The following FBXL19 variants were observed in gnomAD, a reference collection of about 807,000 sequenced individuals.
FBXL19 encodes the protein F-box/LRR-repeat protein 19.
A neutral mutation model predicts 71.2 loss-of-function variants in FBXL19; 16 were observed. That is an observed-to-expected ratio of 0.22 (90% confidence interval 0.15 to 0.34). FBXL19 has a LOEUF of 0.34. FBXL19 is among the 10% of genes least tolerant of loss of function. The pLI, the probability that FBXL19 is intolerant of heterozygous loss-of-function variation, is 1.00. For synonymous variants in FBXL19, 447 were observed against 409.4 expected (o/e 1.09, Z -1.11); for missense variants, 658 against 968.2 (o/e 0.68, Z 4.25).
In FBXL19 at chr16:30,946,993, C is replaced by T. The variant is rs771421295; in HGVS notation, c.1846+45C>T. 9 of 1,578,566 alleles carry T rather than the reference C, an allele frequency of 5.7e-6. No individual in the cohort carries two copies. Among genetic ancestry groups the T allele is most frequent in the African/African-American group, 2.7e-5 (2 of 74,174 alleles). The stretch of plus-strand genomic sequence containing the variant: ...CGTCCTGCCAGCCTGTGGATCCCCA[C>T]GGCCAGTGCCAACCCCTTGCTCACC... On this transcript the variant is annotated intron_variant, in intron 10 of 10. Transcript: ENST00000338343. This position sits in a 1 kb window ranked among gnomAD's most constrained non-coding sequence, Gnocchi z 6.7.
At position 30,948,146 on chromosome 16, in the gene FBXL19, C is replaced by CA. The variant is rs1455130030; in HGVS notation, c.*917dup. ...CGCCCATTTGGGACTGCGCCACCCCCAGGCTTGTTCTTGTTTTACTGTATT... is the reference window on the plus strand; with the variant it reads ...CGCCCATTTGGGACTGCGCCACCCCCAAGGCTTGTTCTTGTTTTACTGTATT... On this transcript the variant is annotated 3_prime_UTR_variant, in exon 11 of 11. Transcript: ENST00000338343. The CA allele has an allele frequency of 4.9e-6, 1 of 203,866 alleles. No individual in the cohort carries two copies. The highest frequency in any genetic ancestry group is 1.0e-5 in the Non-Finnish European group (1 of 97,918). The allele number at this position is 203,866 out of a possible 1,614,324, so 12.6% of individuals were successfully genotyped here. A position where few individuals can be genotyped will look rare whatever the true frequency, so the allele number is the denominator to read the frequency against.
Position 30,939,320 on chromosome 16 carries a change from C to T in FBXL19, c.1302-2796C>T, listed in dbSNP as rs1246137788. Among the ~76,000 whole-genome samples, 3 of 151,836 alleles carry T rather than the reference C, an allele frequency of 2.0e-5. No individual in the cohort carries two copies. In the East Asian group the frequency reaches 5.8e-4, roughly 29 times the overall value. ...TCTCCTGACCTCGTGATCTGTCCAC[C>T]TTGGCCTCCCAAAGTGCTGGGATTA... is the stretch of plus-strand genomic sequence containing the variant. On this transcript the variant is annotated intron_variant, in intron 7 of 10. Transcript: ENST00000338343.
intron 2 of FBXL19, among the ~76,000 whole-genome samples, chr16:30,926,978 T>G (rs1252733278): frequency 2.6e-5 from 4 of 152,212 alleles, no homozygotes; most frequent in Non-Finnish European, 4.4e-5. Flanking sequence ...CCAGCTGTAA[T>G]TTCAGGGTCC....
intron 2 of FBXL19, among the ~76,000 whole-genome samples, chr16:30,926,621 G>T (rs2055595057): frequency 1.3e-5 from 2 of 151,526 alleles, no homozygotes; most frequent in African/African-American, 2.4e-5. Flanking sequence ...TCTTCCTCCT[G>T]CCACTCTTTC....
At position 30,930,254 on chromosome 16, in the gene FBXL19, A is replaced by G. The variant is rs1439360670; in HGVS notation, c.971A>G (p.Asp324Gly). 1 of 1,612,858 alleles carries G rather than the reference A, an allele frequency of 6.2e-7. No homozygotes were observed. Among genetic ancestry groups the G allele is most frequent in the Admixed American group, 1.7e-5 (1 of 60,030 alleles). The change falls in exon 7 of 11, where the codon GAC becomes GGC. Residue 324 changes from aspartate (D) to glycine (G), a missense_variant. This residue lies in a region of FBXL19 where 447 missense variants were observed against 515.4 expected (regional missense o/e 0.87). Transcript: ENST00000338343. The surrounding 1 kb of genome is among the most constrained non-coding windows in gnomAD (Gnocchi z 8.5). ...SDSSGTSLSE[D>G]EAPGEARNGR... is the part of the protein sequence containing the mutation. ...TCTTCGGGCACATCGCTGAGTGAGG[A>G]CGAAGCCCCCGGCGAGGCCCGGAAT...
chr16:30,927,804 G>A lies in FBXL19; in HGVS notation c.468G>A (p.Leu156=). 1.3e-6 allele frequency: 2 copies of A among 1,552,026 alleles called. No homozygotes were observed. The highest frequency in any genetic ancestry group is 2.4e-5 in the South Asian group (2 of 84,152). Residue 156 remains leucine, a synonymous_variant, in exon 5 of 11, where the codon TTG becomes TTA. Transcript: ENST00000338343. ...RADNGEEGAS[L]GSGWKLTEEP... is the part of the protein sequence containing the mutation. ...ACAACGGCGAGGAGGGCGCCAGCTT[G>A]GGGAGCGGATGGAAGCTGACAGAGG...
chr16:30,925,947 A>G lies in FBXL19; in HGVS notation c.177+16A>G. 6.8e-7 allele frequency: 1 copy of G among 1,469,128 alleles called. No homozygotes were observed. Among genetic ancestry groups the G allele is most frequent in the Non-Finnish European group, 9.0e-7 (1 of 1,114,102 alleles). The allele number at this position is 1,469,128 out of a possible 1,614,324, so 91.0% of individuals were successfully genotyped here. A position where few individuals can be genotyped will look rare whatever the true frequency, so the allele number is the denominator to read the frequency against. The stretch of plus-strand genomic sequence containing the variant: ...GTGCACTGCCGTGAGTTCTGCCCCC[A>G]CCTTTGGGCTCTGCCCACCCTTCCC... On this transcript the variant is annotated intron_variant, in intron 2 of 10. Coordinates refer to ENST00000338343, the MANE Select transcript of FBXL19 (RefSeq NM_001382779.1). This position sits in a 1 kb window ranked among gnomAD's most constrained non-coding sequence, Gnocchi z 5.0.
intron 7 of FBXL19, among the ~76,000 whole-genome samples, chr16:30,935,983 C>T (rs756747732): frequency 3.9e-5 from 6 of 152,332 alleles, no homozygotes; most frequent in South Asian, 2.1e-4. Context: ...TCACAACAGA[C>T]GCCCACCATC....
intron 1 of FBXL19, chr16:30,924,788 G>A: frequency 2.7e-6 from 4 of 1,461,128 alleles, no homozygotes; most frequent in Non-Finnish European, 2.7e-6. Context: ...ACTGGGAAGA[G>A]ACCCTCCAGG....
chr16:30,941,643 G>A (rs536135445), intron 7 of FBXL19, among the ~76,000 whole-genome samples: 1 of 152,170 alleles, frequency 6.6e-6, no homozygotes, highest in South Asian at 2.1e-4. Flanking sequence ...AGTAAAGGAG[G>A]CAAGGACCCA....
At position 30,948,159 on chromosome 16, in the gene FBXL19, G is replaced by C. The variant is rs2055884609; in HGVS notation, c.*929G>C. On this transcript the variant is annotated 3_prime_UTR_variant, in exon 11 of 11. Coordinates refer to ENST00000338343, the MANE Select transcript of FBXL19 (RefSeq NM_001382779.1). Reference sequence around the variant, plus strand: ...CTGCGCCACCCCCAGGCTTGTTCTTGTTTTACTGTATTGAGCGGCGGCACC... The same window carrying C: ...CTGCGCCACCCCCAGGCTTGTTCTTCTTTTACTGTATTGAGCGGCGGCACC... The C allele has an allele frequency of 1.0e-5, 2 of 199,480 alleles. No individual in the cohort carries two copies. Among genetic ancestry groups the C allele is most frequent in the Admixed American group, 1.2e-4 (2 of 17,154 alleles). 12.4% of individuals were successfully genotyped at this position (199,480 alleles called of 1,614,324 possible).
intron 1 of FBXL19, 89 bp downstream of exon 1, chr16:30,924,548 C>T: frequency 7.8e-7 from 1 of 1,277,292 alleles, no homozygotes; most frequent in East Asian, 3.2e-5. Context: ...ACCTTCCCCG[C>T]CCCCAGCCTC....
Position 30,948,102 on chromosome 16 carries a change from C to G in FBXL19, c.*872C>G, listed in dbSNP as rs1036491312. On this transcript the variant is annotated 3_prime_UTR_variant, in exon 11 of 11. Transcript: ENST00000338343. Reference sequence around the variant, plus strand: ...GGACTGGACCAGCTTGGACTGAGACCTGAGACCGGGCCGGTGGGCGCCCAT... The same window carrying G: ...GGACTGGACCAGCTTGGACTGAGACGTGAGACCGGGCCGGTGGGCGCCCAT... 10 of 234,332 alleles carry G rather than the reference C, an allele frequency of 4.3e-5. No individual in the cohort carries two copies. The highest frequency in any genetic ancestry group is 2.1e-4 in the African/African-American group (9 of 42,990). 14.5% of individuals were successfully genotyped at this position (234,332 alleles called of 1,614,324 possible). A position where few individuals can be genotyped will look rare whatever the true frequency, so the allele number is the denominator to read the frequency against.
chr16:30,929,996 C>T (rs2055650457), intron 6 of FBXL19, 77 bp from the exon 7 acceptor site: 4 of 1,535,090 alleles, frequency 2.6e-6, no homozygotes, highest in African/African-American at 2.7e-5. Flanking sequence ...TGTTCATCCC[C>T]TGGTGACTCC....
rs1420025054 is a variant in FBXL19, at chr16:30,946,940, A to G, written c.1838A>G (p.Asn613Ser). The change falls in exon 10 of 11, where the codon AAT (asparagine) becomes AGT (serine). Residue 613 changes from asparagine (N) to serine (S), a missense_variant. Physicochemically the swap from Asn to Ser is conservative, Grantham distance 46. Around this residue, in one of 8 missense-constraint regions of FBXL19, gnomAD observed 69 missense variants for 177.8 expected, o/e 0.39. Transcript: ENST00000338343. This position sits in a 1 kb window ranked among gnomAD's most constrained non-coding sequence, Gnocchi z 6.7. ...SPLRETLVHLNLAGCHRLTDH... is the reference protein window; with the variant it reads ...SPLRETLVHLSLAGCHRLTDH... ...CTCCGCGAGACCCTGGTGCACCTCA[A>G]TCTTGCTGGTAAGCACGGTCCCCCA... 3.1e-6 allele frequency: 5 copies of G among 1,608,116 alleles called. No homozygotes were observed. Among genetic ancestry groups the G allele is most frequent in the Non-Finnish European group, 4.2e-6 (5 of 1,178,158 alleles).
chr16:30,928,405 C>T (rs1347375927), intron 5 of FBXL19, 62 bp from the exon 6 acceptor site: 18 of 1,447,922 alleles, frequency 1.2e-5, no homozygotes, highest in Admixed American at 2.7e-5. Context: ...CCTTAGATTT[C>T]TGGCCCATGA....
chr16:30,944,970 C>T (rs533718601), intron 9 of FBXL19, among the ~76,000 whole-genome samples: 1 of 152,296 alleles, frequency 6.6e-6, no homozygotes, highest in Admixed American at 6.5e-5. Context: ...ACCCAGCTCC[C>T]CTCAGTCATC....
chr16:30,928,683 C>G, intron 6 of FBXL19, 55 bp downstream of exon 6: 1 of 1,427,866 alleles, frequency 7.0e-7, no homozygotes, highest in Admixed American at 2.9e-5. Flanking sequence ...CCACCCTTCA[C>G]CCTGGAGCCC....
chr16:30,942,677 G>T lies in FBXL19; in HGVS notation c.1627+141G>T. 1 of 1,394,456 alleles carries T rather than the reference G, an allele frequency of 7.2e-7. No individual in the cohort carries two copies. The highest frequency in any genetic ancestry group is 9.4e-7 in the Non-Finnish European group (1 of 1,067,504). 86.4% of individuals were successfully genotyped at this position (1,394,456 alleles called of 1,614,324 possible). On this transcript the variant is annotated intron_variant, in intron 9 of 10. Coordinates refer to ENST00000338343, the MANE Select transcript of FBXL19 (RefSeq NM_001382779.1). The surrounding 1 kb of genome is among the most constrained non-coding windows in gnomAD (Gnocchi z 5.7). The stretch of plus-strand genomic sequence containing the variant: ...ACATGAGTTTGAATAGGAAGGCCCT[G>T]GTTGGGCATTATTCATTCATTCACC...
Sources: gnomAD v4.1 joint callset for allele counts (sites outside exome capture counted in the v4.1 genomes callset) on GRCh38, gnomAD v4.1.1 for gene constraint, gnomAD v4.1.1 regional missense constraint, Gnocchi (gnomAD v3.1) non-coding constraint, MANE v1.5 for transcripts, NCBI Gene and HGNC (gene_info 2026-07-23, HGNC 2026-07-21) for gene names.